Variants in GSN observed in about 807,000 individuals in gnomAD.
The protein encoded by GSN is gelsolin, also known as actin-depolymerizing factor.
A neutral mutation model predicts 85.7 loss-of-function variants in GSN; 56 were observed. That is an observed-to-expected ratio of 0.65 (90% confidence interval 0.53 to 0.82). The LOEUF is 0.82. Ranked by LOEUF, GSN falls within the 40% of genes least tolerant of loss-of-function variation. GSN has a pLI of 0.00. For missense variants in GSN, 857 were observed against 979.8 expected, an observed-to-expected ratio of 0.87 and a Z score of 1.67; for synonymous variants, 373 against 399.1, an observed-to-expected ratio of 0.93 and a Z score of 0.78.
At chr9:121,304,154 G>T (rs1414335842) in intron 4 of GSN, among the ~76,000 whole-genome samples, 1 of 152,232 alleles carries the variant, frequency 6.6e-6, no homozygotes, top group Non-Finnish European at 1.5e-5. Context: ...CTATGTCAAT[G>T]GAGTGGTGAC....
rs78565214 is a variant in GSN at position 121,314,326 on chromosome 9, G to T, written c.753+303G>T. On this transcript the variant is annotated intron_variant, in intron 7 of 17. Coordinates refer to ENST00000432226, the MANE Select transcript of GSN (RefSeq NM_198252.3). ...GGTCGACTTTGTAGGATTTCTGGGA[G>T]TCCACAGATAAAATGGATGTGAAAA... 5.0e-3 allele frequency among the ~76,000 whole-genome samples: 761 copies of T among 152,354 alleles called. 9 individuals are homozygous for T. Among genetic ancestry groups the T allele is most frequent in the African/African-American group, 0.017 (716 of 41,582 alleles).
intron 4 of GSN, among the ~76,000 whole-genome samples, chr9:121,222,590 A>G (rs1421783427): frequency 6.6e-6 from 1 of 152,164 alleles, no homozygotes; most frequent in Admixed American, 6.5e-5. Flanking sequence ...TTGCATTTCC[A>G]TGGGCAAGGA....
intron 6 of GSN, 53 bp from the exon 7 acceptor site, chr9:121,313,881 C>T (rs2061432999): frequency 1.5e-6 from 2 of 1,373,676 alleles, no homozygotes; most frequent in South Asian, 1.2e-5. Context: ...ATCTCAGGAG[C>T]CTGGCCCCTC....
chr9:121,204,038 G>C (rs2053845150), upstream of GSN, among the ~76,000 whole-genome samples: 3 of 152,296 alleles, frequency 2.0e-5, no homozygotes, highest in South Asian at 2.1e-4. Flanking sequence ...TAATTGCCCA[G>C]GTATGAACTT....
chr9:121,229,179 C>T (rs1369758549), intron 4 of GSN, among the ~76,000 whole-genome samples: 3 of 152,138 alleles, frequency 2.0e-5, no homozygotes, highest in African/African-American at 7.2e-5. Flanking sequence ...CAGTTCCCTC[C>T]CCCTACTTTG....
chr9:121,320,896 T>C (rs2062354642), intron 10 of GSN, among the ~76,000 whole-genome samples: 2 of 151,656 alleles, frequency 1.3e-5, no homozygotes, highest in Admixed American at 1.3e-4. Context: ...AGGCTAAGAG[T>C]GGTTAAGCCA....
intron 4 of GSN, among the ~76,000 whole-genome samples, chr9:121,211,069 G>A (rs767523163): frequency 2.6e-5 from 4 of 152,174 alleles, no homozygotes; most frequent in South Asian, 4.1e-4. Flanking sequence ...AATTTAGCCC[G>A]TCACAAAGAG....
At chr9:121,325,925 C>T (rs967635312) in intron 12 of GSN, among the ~76,000 whole-genome samples, 5 of 151,986 alleles carry the variant, frequency 3.3e-5, no homozygotes, top group African/African-American at 1.2e-4. Flanking sequence ...AAGCGACTGC[C>T]ATATGCCTGA....
upstream of GSN, among the ~76,000 whole-genome samples, chr9:121,263,333 A>T (rs1405881490): frequency 6.6e-6 from 1 of 152,250 alleles, no homozygotes; most frequent in Admixed American, 6.5e-5. Context: ...CACAGATAAT[A>T]GTGAAATATA....
At chr9:121,302,269 G>C in intron 3 of GSN, 102 bp downstream of exon 3, 9 of 1,295,812 alleles carry the variant, frequency 6.9e-6, no homozygotes, top group African/African-American at 1.4e-5. Context: ...TGAGCACCTA[G>C]TATGTGCTGG....
chr9:121,210,035 G>A, intron 2 of GSN, among the ~76,000 whole-genome samples: 1 of 152,244 alleles, frequency 6.6e-6, no homozygotes, highest in East Asian at 1.9e-4. Flanking sequence ...TCATCTAGAG[G>A]TGATATAATA....
chr9:121,251,829 C>T (rs1185972041), intron 6 of GSN, among the ~76,000 whole-genome samples: 1 of 151,994 alleles, frequency 6.6e-6, no homozygotes, highest in Admixed American at 6.6e-5. Context: ...GGTGTGGTGG[C>T]AGACACCTGT....
At chr9:121,276,839 G>A (rs932279247) in intron 1 of GSN, among the ~76,000 whole-genome samples, 15 of 151,994 alleles carry the variant, frequency 9.9e-5, no homozygotes, top group African/African-American at 3.6e-4. Context: ...TATACCTAAT[G>A]TAAATGACGA....
rs1345214420 is a variant in GSN, at chr9:121,300,050, T to C, written c.-9-1913T>C. ...CGGGGCTCCCGGAGTAACTCTCTATTGTAAGTTCTTGCAGATACAGCGCTA... is the reference window on the plus strand; with the variant it reads ...CGGGGCTCCCGGAGTAACTCTCTATCGTAAGTTCTTGCAGATACAGCGCTA... On this transcript the variant is annotated intron_variant, in intron 2 of 17. Coordinates refer to ENST00000432226, the MANE Select transcript of GSN (RefSeq NM_198252.3). 5 of 1,598,690 alleles carry C rather than the reference T, an allele frequency of 3.1e-6. No individual in the cohort carries two copies. The African/African-American group carries it at 4.0e-5, about 13-fold the overall frequency.
At chr9:121,218,828 G>A (rs1273128426) in intron 4 of GSN, among the ~76,000 whole-genome samples, 1 of 152,188 alleles carries the variant, frequency 6.6e-6, no homozygotes, top group African/African-American at 2.4e-5. Context: ...ATACATGCAT[G>A]AGGACCCTTC....
chr9:121,323,252 AT>A (rs1306873256), intron 11 of GSN, among the ~76,000 whole-genome samples: 1 of 152,144 alleles, frequency 6.6e-6, no homozygotes, highest in Non-Finnish European at 1.5e-5. Flanking sequence ...CTATGTTCAC[AT>A]CTTACATAAC....
chr9:121,316,882 T>C (rs1300605109), intron 7 of GSN, among the ~76,000 whole-genome samples: 1 of 152,190 alleles, frequency 6.6e-6, no homozygotes, highest in African/African-American at 2.4e-5. Flanking sequence ...CATGTGCAGT[T>C]TGTGTTACCC....
Position 121,299,766 on chromosome 9 carries a change from G to A in GSN, c.-9-2197G>A. 1 of 1,201,714 alleles carries A rather than the reference G, an allele frequency of 8.3e-7. No homozygotes were observed. Among genetic ancestry groups the A allele is most frequent in the Non-Finnish European group, 1.0e-6 (1 of 959,078 alleles). 74.4% of individuals were successfully genotyped at this position (1,201,714 alleles called of 1,614,324 possible). A position where few individuals can be genotyped will look rare whatever the true frequency, so the allele number is the denominator to read the frequency against. The stretch of plus-strand genomic sequence containing the variant: ...CCCCGCCCCGCGCCCTCCCTGGGGG[G>A]CGGTCCCCGGCTTGGGCGGGATGGG... On this transcript the variant is annotated intron_variant, in intron 2 of 17. Coordinates refer to ENST00000432226, the MANE Select transcript of GSN (RefSeq NM_198252.3). This position sits in a 1 kb window ranked among gnomAD's most constrained non-coding sequence, Gnocchi z 4.2.
At chr9:121,239,045 G>T (rs1389499067) in intron 5 of GSN, 2 of 431,590 alleles carry the variant, frequency 4.6e-6, no homozygotes, top group African/African-American at 4.1e-5. Flanking sequence ...TTCAGAGATG[G>T]GTGAATGATA....
Sources: gnomAD v4.1 joint callset for allele counts (sites outside exome capture counted in the v4.1 genomes callset) on GRCh38, gnomAD v4.1.1 for gene constraint, Gnocchi (gnomAD v3.1) non-coding constraint, MANE v1.5 for transcripts, NCBI Gene and HGNC (gene_info 2026-07-23, HGNC 2026-07-21) for gene names.